METTL15: variants seen among roughly 807,000 people sequenced by gnomAD.
The protein encoded by METTL15 is methyltransferase 15, mitochondrial 12S rRNA N4-cytidine, also known as 12S rRNA N(4)-cytidine methyltransferase METTL15.
A neutral mutation model predicts 38.3 loss-of-function variants in METTL15; 34 were observed. That is an observed-to-expected ratio of 0.89 (90% CI 0.68 to 1.18). METTL15 has a LOEUF of 1.18. Ranked by LOEUF, METTL15 falls within the 50% of genes most tolerant of loss-of-function variation. The probability of loss-of-function intolerance (pLI) is 0.00; values close to 1 mark genes in which losing one functional copy is unlikely to be tolerated. For missense variants in METTL15, 438 were observed against 498.4 expected (o/e 0.88, Z 1.15); for synonymous variants, 162 against 170.9 (o/e 0.95, Z 0.41).
rs376387853 is a variant in METTL15 at position 28,208,734 on chromosome 11, A to G, written c.271-2328A>G. ...GTGTTAAAGTCTCTTATTATTATTCAGTTGCTTTTTTTATTTGCAACTCCT... is the reference window on the plus strand; with the variant it reads ...GTGTTAAAGTCTCTTATTATTATTCGGTTGCTTTTTTTATTTGCAACTCCT... On this transcript the variant is annotated intron_variant, in intron 3 of 6. Coordinates refer to ENST00000407364, the MANE Select transcript of METTL15 (RefSeq NM_001113528.2). 7.4e-4 allele frequency among the ~76,000 whole-genome samples: 112 copies of G among 151,410 alleles called. 2 individuals carry two copies. The East Asian group carries it at 0.011, about 15-fold the overall frequency.
chr11:28,440,296 C>A (rs1399792995), intron 6 of METTL15, among the ~76,000 whole-genome samples: 1 of 151,932 alleles, frequency 6.6e-6, no homozygotes, highest in Non-Finnish European at 1.5e-5. Context: ...TCATTACAAT[C>A]ATGACTTTGA....
chr11:28,166,063 C>T (rs377116693), intron 3 of METTL15, among the ~76,000 whole-genome samples: 103 of 152,194 alleles, frequency 6.8e-4, no homozygotes, highest in African/African-American at 2.3e-3. Context: ...ATTTTGAAAT[C>T]TGGGAATGTG....
chr11:28,131,287 G>T (rs941391028), intron 3 of METTL15, among the ~76,000 whole-genome samples: 2 of 152,114 alleles, frequency 1.3e-5, no homozygotes, highest in African/African-American at 4.8e-5. Context: ...TTGCCATGAG[G>T]CAAGGTGGTA....
Position 28,453,628 on chromosome 11 carries a change from G to C in METTL15, c.*424+29264G>C, listed in dbSNP as rs141912632. ...TACCATGTATTTCTGTGAGGATTCT[G>C]ATAGTTGACATCACTTCTAACTACG... On this transcript the variant is annotated intron_variant and NMD_transcript_variant, in intron 6 of 7. Coordinates refer to the METTL15 transcript ENST00000532947. 2.1e-4 allele frequency among the ~76,000 whole-genome samples: 32 copies of C among 152,302 alleles called. 1 individual carries two copies. The highest frequency in any genetic ancestry group is 3.4e-3 in the Middle Eastern group (1 of 294).
intron 5 of METTL15, among the ~76,000 whole-genome samples, chr11:28,380,031 CT>C (rs1280181463): frequency 6.6e-6 from 1 of 151,846 alleles, no homozygotes; most frequent in African/African-American, 2.4e-5. Flanking sequence ...TATTCCTGCT[CT>C]TTTTTTGGTT....
chr11:28,134,118 A>C (rs1849435042), intron 3 of METTL15, among the ~76,000 whole-genome samples: 1 of 152,166 alleles, frequency 6.6e-6, no homozygotes. Context: ...TTGTTGATTC[A>C]AGATTTTTTT....
chr11:28,279,585 C>A (rs945022502), intron 4 of METTL15, among the ~76,000 whole-genome samples: 4 of 152,132 alleles, frequency 2.6e-5, no homozygotes, highest in Admixed American at 2.0e-4. Context: ...TTGGTGATCA[C>A]AACCTACATG....
At chr11:28,274,752 T>G (rs1855775333) in intron 4 of METTL15, among the ~76,000 whole-genome samples, 2 of 151,930 alleles carry the variant, frequency 1.3e-5, no homozygotes, top group African/African-American at 4.8e-5. Flanking sequence ...TTTATTTAAA[T>G]TGAATTTAAA....
intron 5 of METTL15, among the ~76,000 whole-genome samples, chr11:28,389,421 C>T (rs1334339156): frequency 7.2e-6 from 1 of 138,090 alleles, no homozygotes; most frequent in African/African-American, 2.7e-5. Context: ...GTGATGTTCC[C>T]CTTCCTGTGT....
intron 6 of METTL15, among the ~76,000 whole-genome samples, chr11:28,442,103 A>T (rs1851039966): frequency 6.6e-6 from 1 of 152,226 alleles, no homozygotes; most frequent in South Asian, 2.1e-4. Context: ...GGCTCTTGTT[A>T]TAATGGGTTT....
chr11:28,136,463 AC>A (rs1461008514), intron 3 of METTL15, among the ~76,000 whole-genome samples: 1 of 151,850 alleles, frequency 6.6e-6, no homozygotes, highest in Non-Finnish European at 1.5e-5. Flanking sequence ...AGTCCATTAA[AC>A]CTCTTTCCTT....
chr11:28,292,096 T>C (rs1323534386), intron 5 of METTL15, among the ~76,000 whole-genome samples: 2 of 151,988 alleles, frequency 1.3e-5, no homozygotes, highest in Non-Finnish European at 1.5e-5. Context: ...TTAGGGTACA[T>C]GTGCACAACA....
chr11:28,154,308 T>C (rs1245287877), intron 3 of METTL15, among the ~76,000 whole-genome samples: 1 of 152,150 alleles, frequency 6.6e-6, no homozygotes, highest in Non-Finnish European at 1.5e-5. Flanking sequence ...TTGTACGATG[T>C]GGATAGTATA....
At chr11:28,463,035 A>G (rs561265129) in intron 6 of METTL15, among the ~76,000 whole-genome samples, 42 of 152,250 alleles carry the variant, frequency 2.8e-4, no homozygotes, top group African/African-American at 9.6e-4. Flanking sequence ...TACATGGATA[A>G]TGAAACCTGT....
intron 6 of METTL15, among the ~76,000 whole-genome samples, chr11:28,462,819 A>C (rs1228147191): frequency 6.6e-6 from 1 of 152,144 alleles, no homozygotes; most frequent in Non-Finnish European, 1.5e-5. Context: ...TGTTACCCAA[A>C]TAGTTAGGAA....
At position 28,524,958 on chromosome 11, in the gene METTL15, T is replaced by C. The variant is rs190226975; in HGVS notation, c.*425-1520T>C. On this transcript the variant is annotated intron_variant and NMD_transcript_variant, in intron 6 of 7. Transcript: ENST00000532947. ...TTTGGAGTTTCTTCCTTCTGGTGGGTTCATGGTCTCGCTGGCTCAGGAGTG... is the reference window on the plus strand; with the variant it reads ...TTTGGAGTTTCTTCCTTCTGGTGGGCTCATGGTCTCGCTGGCTCAGGAGTG... Among the ~76,000 whole-genome samples the C allele has an allele frequency of 5.9e-5, 9 of 152,232 alleles. 1 individual carries two copies. The East Asian group carries it at 1.5e-3, about 26-fold the overall frequency.
rs557413146 is a variant in METTL15, at chr11:28,193,750, A to G, written c.271-17312A>G. Among the ~76,000 whole-genome samples the G allele has an allele frequency of 3.3e-5, 5 of 152,242 alleles. 1 individual carries two copies. Among genetic ancestry groups the G allele is most frequent in the African/African-American group, 1.2e-4 (5 of 41,556 alleles). ...CTCTGAGAAAAAAGAAATCCAATAT[A>G]AAAAATTGCTATAACTATATCCCAT... On this transcript the variant is annotated intron_variant, in intron 3 of 6. Transcript: ENST00000407364.
At chr11:28,268,341 TTAAG>T (rs1165548304) in intron 4 of METTL15, among the ~76,000 whole-genome samples, 3 of 152,060 alleles carry the variant, frequency 2.0e-5, no homozygotes, top group Admixed American at 6.6e-5. Context: ...TTTTTTGATA[TTAAG>T]TAAGTATTGA....
At position 28,469,066 on chromosome 11, in the gene METTL15, G is replaced by A. The variant is rs574860376; in HGVS notation, c.*424+44702G>A. On this transcript the variant is annotated intron_variant and NMD_transcript_variant, in intron 6 of 7. Coordinates refer to the METTL15 transcript ENST00000532947. ...CATCATTTTCCAAATTTATTCATGG[G>A]TTTAGTGATTTATTTAGTCATTTGT... Among the ~76,000 whole-genome samples the A allele has an allele frequency of 2.6e-5, 4 of 152,178 alleles. No homozygotes were observed. The South Asian group carries it at 8.3e-4, about 32-fold the overall frequency.
Sources: gnomAD v4.1 joint callset for allele counts (sites outside exome capture counted in the v4.1 genomes callset) on GRCh38, gnomAD v4.1.1 for gene constraint, MANE v1.5 for transcripts, NCBI Gene and HGNC (gene_info 2026-07-23, HGNC 2026-07-21) for gene names.